PCDH9: variants seen among roughly 807,000 people sequenced by gnomAD.
PCDH9 encodes protocadherin 9.
Under a neutral mutation model 70.6 loss-of-function variants are expected in PCDH9, and 24 were observed. The observed-to-expected ratio is 0.34, with a 90% CI of 0.25 to 0.48. The LOEUF is 0.48. PCDH9 is among the 20% of genes least tolerant of loss of function. PCDH9 has a pLI of 0.99. For missense variants in PCDH9, 1,281 were observed against 1,503.6 expected (o/e 0.85, Z 2.45); for synonymous variants, 562 against 558.5 (o/e 1.01, Z -0.09).
At chr13:66,622,817 C>T (rs907771830) in intron 4 of PCDH9, among the ~76,000 whole-genome samples, 12 of 152,236 alleles carry the variant, frequency 7.9e-5, no homozygotes, top group East Asian at 1.9e-4. Context: ...ACTGTGGAAG[C>T]GTTGTGCTTT....
chr13:66,510,436 G>A (rs1290063595), intron 4 of PCDH9, among the ~76,000 whole-genome samples: 1 of 151,970 alleles, frequency 6.6e-6, no homozygotes, highest in Non-Finnish European at 1.5e-5. Flanking sequence ...ATGTATACAT[G>A]TGCCATGTTG....
chr13:66,359,167 A>G (rs1956429303), intron 4 of PCDH9, among the ~76,000 whole-genome samples: 1 of 152,080 alleles, frequency 6.6e-6, no homozygotes, highest in East Asian at 1.9e-4. Flanking sequence ...TTTGTTACCT[A>G]AAGTTTTAAT....
intron 2 of PCDH9, among the ~76,000 whole-genome samples, chr13:67,028,100 C>T (rs1463549932): frequency 6.6e-6 from 1 of 150,722 alleles, no homozygotes; most frequent in Non-Finnish European, 1.5e-5. Context: ...AATCATGCTG[C>T]TATAAAGACA....
chr13:66,315,701 G>A (rs186434088), intron 4 of PCDH9, among the ~76,000 whole-genome samples: 74 of 152,160 alleles, frequency 4.9e-4, no homozygotes, highest in African/African-American at 1.8e-3. Context: ...GGCTGGTCTC[G>A]AACTCCCGAC....
chr13:66,519,439 C>T (rs558866541), intron 4 of PCDH9, among the ~76,000 whole-genome samples: 4 of 152,160 alleles, frequency 2.6e-5, no homozygotes, highest in African/African-American at 4.8e-5. Flanking sequence ...AAGAGGCAGA[C>T]GAGCACTCTT....
At chr13:67,124,940 A>G (rs1282383884) in intron 2 of PCDH9, among the ~76,000 whole-genome samples, 1 of 152,166 alleles carries the variant, frequency 6.6e-6, no homozygotes, top group African/African-American at 2.4e-5. Context: ...TAGGAGAGTG[A>G]CTTTTTAAGT....
rs769428017 is a variant in PCDH9 at position 67,226,824 on chromosome 13, A to C, written c.1617T>G (p.Ile539Met). ...CATTGTCCCTGGCAGTTACTGTAAA[A>C]ATGAATCGTTCTTGTTCTTCTCTGT... ...VFDREEQERFIFTVTARDNGT... is the reference protein window; with the variant it reads ...VFDREEQERFMFTVTARDNGT... The change falls in exon 2 of 5, where the codon ATT becomes ATG. Residue 539 changes from isoleucine (I) to methionine (M), a missense_variant. Ile to Met is a conservative substitution (Grantham distance 10, BLOSUM62 1). This residue lies in a region of PCDH9 where 798 missense variants were observed against 1,003.1 expected (regional missense o/e 0.80). Transcript: ENST00000377865. The surrounding 1 kb of genome is among the most constrained non-coding windows in gnomAD (Gnocchi z 5.0). 6.2e-7 allele frequency: 1 copy of C among 1,614,092 alleles called. No individual in the cohort carries two copies. The highest frequency in any genetic ancestry group is 1.1e-5 in the South Asian group (1 of 91,074).
chr13:67,084,131 A>T (rs1399508899), intron 2 of PCDH9, among the ~76,000 whole-genome samples: 2 of 152,216 alleles, frequency 1.3e-5, no homozygotes, highest in African/African-American at 2.4e-5. Flanking sequence ...AGCTTGAAAC[A>T]GTAGCCAAAT....
At chr13:66,692,560 GAAGAT>G (rs1355594030) in intron 3 of PCDH9, among the ~76,000 whole-genome samples, 3 of 151,972 alleles carry the variant, frequency 2.0e-5, no homozygotes, top group Non-Finnish European at 4.4e-5. Flanking sequence ...ATGGATTTGA[GAAGAT>G]AAGTACAAAC....
At chr13:66,810,033 A>G (rs1488397391) in intron 3 of PCDH9, among the ~76,000 whole-genome samples, 1 of 152,148 alleles carries the variant, frequency 6.6e-6, no homozygotes, top group Non-Finnish European at 1.5e-5. Context: ...AGAGGAGAAT[A>G]TATGGGGAAA....
intron 3 of PCDH9, among the ~76,000 whole-genome samples, chr13:66,718,306 T>C (rs1440052605): frequency 3.9e-5 from 6 of 152,188 alleles, no homozygotes; most frequent in African/African-American, 7.2e-5. Context: ...ATATGTTGTG[T>C]TACTCAAGCC....
At chr13:66,399,311 G>A (rs781247867) in intron 4 of PCDH9, among the ~76,000 whole-genome samples, 2 of 152,080 alleles carry the variant, frequency 1.3e-5, no homozygotes, top group African/African-American at 4.8e-5. Flanking sequence ...ACTATTTCCT[G>A]TGCTAGAAAG....
At chr13:66,859,080 T>A (rs1374110180) in intron 3 of PCDH9, 1 of 152,236 alleles carries the variant, frequency 6.6e-6, no homozygotes, top group Non-Finnish European at 1.5e-5. Flanking sequence ...GACATTCATT[T>A]ACATCTCTGT....
chr13:67,164,223 A>G (rs1316211110), intron 2 of PCDH9, among the ~76,000 whole-genome samples: 3 of 152,166 alleles, frequency 2.0e-5, no homozygotes, highest in African/African-American at 7.2e-5. Flanking sequence ...ATTTCAGGTA[A>G]ATATTTGAAA....
chr13:66,754,320 T>A (rs58350679), intron 3 of PCDH9, among the ~76,000 whole-genome samples: 3,645 of 152,162 alleles, frequency 0.024, 148 homozygotes, highest in African/African-American at 0.084. Context: ...GGCACATGTA[T>A]ACCTATGTAA....
At chr13:66,621,919 G>A (rs2077426252) in intron 4 of PCDH9, among the ~76,000 whole-genome samples, 1 of 152,234 alleles carries the variant, frequency 6.6e-6, no homozygotes, top group Non-Finnish European at 1.5e-5. Context: ...GCTGGAGCCG[G>A]CTCCCTCAGC....
At position 67,018,199 on chromosome 13, in the gene PCDH9, G is replaced by A. The variant is rs566687709; in HGVS notation, c.3037-114594C>T. Among the ~76,000 whole-genome samples the A allele has an allele frequency of 8.5e-5, 13 of 152,254 alleles. No homozygotes were observed. The South Asian group carries it at 2.7e-3, about 32-fold the overall frequency. ...GTGAATTATACTGGAGATATGAAAAGCTATCTGAAGTAAATAACATCAGAG... is the reference window on the plus strand; with the variant it reads ...GTGAATTATACTGGAGATATGAAAAACTATCTGAAGTAAATAACATCAGAG... On this transcript the variant is annotated intron_variant, in intron 2 of 4. Transcript: ENST00000377865.
chr13:67,203,646 T>A (rs1170664060), intron 2 of PCDH9: 1 of 152,114 alleles, frequency 6.6e-6, no homozygotes, highest in Admixed American at 6.6e-5. Flanking sequence ...GGTTAAAGGA[T>A]AAAATGCATG....
At chr13:66,936,606 G>A (rs1416269269) in intron 2 of PCDH9, among the ~76,000 whole-genome samples, 4 of 152,098 alleles carry the variant, frequency 2.6e-5, no homozygotes, top group African/African-American at 4.8e-5. Context: ...TCTTTACATA[G>A]GCATAGGAGA....
Sources: gnomAD v4.1 joint callset for allele counts (sites outside exome capture counted in the v4.1 genomes callset) on GRCh38, gnomAD v4.1.1 for gene constraint, gnomAD v4.1.1 regional missense constraint, Gnocchi (gnomAD v3.1) non-coding constraint, MANE v1.5 for transcripts, NCBI Gene and HGNC (gene_info 2026-07-23, HGNC 2026-07-21) for gene names.